Variants in PCDHA4 observed in about 807,000 individuals in gnomAD.
PCDHA4 encodes the protein protocadherin alpha 4.
Under a neutral mutation model 61.4 loss-of-function variants are expected in PCDHA4, and 49 were observed. The observed-to-expected ratio is 0.80, with a 90% CI of 0.63 to 1.01. The LOEUF is 1.01. PCDHA4 is among the 50% of genes least tolerant of loss of function. PCDHA4 has a pLI of 0.00. For missense variants in PCDHA4, 1,254 were observed against 1,235.8 expected (o/e 1.01, Z -0.22); for synonymous variants, 590 against 550.3 (o/e 1.07, Z -1.01).
At chr5:140,845,037 C>T (rs1189014695) in intron 1 of PCDHA4, among the ~76,000 whole-genome samples, 2 of 149,024 alleles carry the variant, frequency 1.3e-5, no homozygotes, top group Non-Finnish European at 3.0e-5. Flanking sequence ...ATATTTTAGC[C>T]CCCTTGTCCA....
chr5:140,814,203 A>T (rs1765458548), intron 1 of PCDHA4: 1 of 150,724 alleles, frequency 6.6e-6, no homozygotes. Flanking sequence ...TATTTTTTTC[A>T]CTTTTACTTA....
intron 1 of PCDHA4, chr5:140,860,225 A>ATATATAT (rs2046281831): frequency 6.6e-6 from 1 of 151,528 alleles, no homozygotes. Context: ...ATGTATATAT[A>ATATATAT]AGCCAGGCAT....
rs553749529 is a variant in PCDHA4, at chr5:140,931,877, G to C, written c.2386-47072G>C. 3.3e-5 allele frequency among the ~76,000 whole-genome samples: 5 copies of C among 151,886 alleles called. No individual in the cohort carries two copies. The South Asian group carries it at 8.3e-4, about 25-fold the overall frequency. The stretch of plus-strand genomic sequence containing the variant: ...GGATTCTAGAAATAAAATATTTATT[G>C]CTTTCATTTTATTTCAAATCATTTG... On this transcript the variant is annotated intron_variant, in intron 1 of 3. Coordinates refer to ENST00000530339, the MANE Select transcript of PCDHA4 (RefSeq NM_018907.4).
chr5:140,982,482 C>T lies in PCDHA4; in HGVS notation c.2452C>T (p.His818Tyr), dbSNP rs782273708. 1.9e-6 allele frequency: 3 copies of T among 1,614,054 alleles called. No individual in the cohort carries two copies. Among genetic ancestry groups the T allele is most frequent in the East Asian group, 4.5e-5 (2 of 44,894 alleles). The change falls in exon 3 of 4, where the codon CAC (histidine) becomes TAC (tyrosine). Residue 818 changes from histidine to tyrosine, a missense_variant. Physicochemically the swap from His to Tyr is moderately conservative, Grantham distance 83. Transcript: ENST00000530339. ...SLRAGMHSSV[H>Y]LEEAGILRAG... ...GTCTGTGTGTTTATTCAGCTCTGTGCACCTAGAGGAGGCTGGCATTCTACG... is the reference window on the plus strand; with the variant it reads ...GTCTGTGTGTTTATTCAGCTCTGTGTACCTAGAGGAGGCTGGCATTCTACG...
intron 1 of PCDHA4, chr5:140,848,709 G>T: frequency 6.3e-7 from 1 of 1,592,420 alleles, no homozygotes; most frequent in African/African-American, 1.3e-5. Context: ...CAAAGGCCGC[G>T]GGGACCTTCT....
At chr5:140,829,760 G>A (rs2150174077) in intron 1 of PCDHA4, 1 of 1,613,780 alleles carries the variant, frequency 6.2e-7, no homozygotes, top group Admixed American at 1.7e-5. Flanking sequence ...GTTCGTGCTG[G>A]ACGAGAACGA....
At chr5:140,977,836 T>C (rs1300356505) in intron 1 of PCDHA4, among the ~76,000 whole-genome samples, 1 of 152,236 alleles carries the variant, frequency 6.6e-6, no homozygotes, top group African/African-American at 2.4e-5. Flanking sequence ...TCTATTGATA[T>C]TACTATGGCT....
Position 141,009,928 on chromosome 5 carries a change from T to C in PCDHA4, c.2835T>C (p.Ser945=), listed in dbSNP as rs373891102. The change falls in exon 4 of 4, where the codon AGT becomes AGC. Residue 945 remains serine (S), a synonymous_variant. Transcript: ENST00000530339. The stretch of plus-strand genomic sequence containing the variant: ...AAGGGAACAGCACGACTGACAACAG[T>C]GACCAGTGAGGTCCTCAAATGGAAA... ...KEKGNSTTDN[S]DQ is the part of the protein sequence containing the mutation. 3 of 1,607,808 alleles carry C rather than the reference T, an allele frequency of 1.9e-6. No homozygotes were observed. The highest frequency in any genetic ancestry group is 2.5e-6 in the Non-Finnish European group (3 of 1,178,138).
Position 140,927,198 on chromosome 5 carries a change from G to T in PCDHA4, c.2386-51751G>T. On this transcript the variant is annotated intron_variant, in intron 1 of 3. Transcript: ENST00000530339. ...TCTTGACCTACGACCTGGTGCTCGA[G>T]GACCCGCTGGAGCTGCACAAGATTC... 3 of 1,614,162 alleles carry T rather than the reference G, an allele frequency of 1.9e-6. No homozygotes were observed. In the South Asian group the frequency reaches 3.3e-5, roughly 18 times the overall value.
chr5:140,842,242 T>A (rs1358378131), intron 1 of PCDHA4: 2 of 1,612,266 alleles, frequency 1.2e-6, no homozygotes, highest in Non-Finnish European at 1.7e-6. Flanking sequence ...TTCGGGGTAA[T>A]TTGGATTTTG....
At chr5:140,969,064 C>T (rs2096292525) in intron 1 of PCDHA4, 1 of 1,614,136 alleles carries the variant, frequency 6.2e-7, no homozygotes, top group Non-Finnish European at 8.5e-7. Context: ...ATATTGATGC[C>T]AGGATACCGC....
intron 1 of PCDHA4, among the ~76,000 whole-genome samples, chr5:140,970,589 C>T (rs74994687): frequency 6.6e-6 from 1 of 152,198 alleles, no homozygotes; most frequent in East Asian, 1.9e-4. Flanking sequence ...CAGAGATATG[C>T]TTTGTGATAC....
At chr5:140,821,291 C>T (rs1237221599) in intron 1 of PCDHA4, among the ~76,000 whole-genome samples, 2 of 152,082 alleles carry the variant, frequency 1.3e-5, no homozygotes, top group Non-Finnish European at 2.9e-5. Context: ...ATATAAACTC[C>T]TCCCTATATA....
chr5:140,907,648 G>T (rs2153502267), intron 1 of PCDHA4, among the ~76,000 whole-genome samples: 1 of 152,312 alleles, frequency 6.6e-6, no homozygotes, highest in East Asian at 1.9e-4. Flanking sequence ...TGGCAAATTG[G>T]GCACTCAGCA....
intron 1 of PCDHA4, chr5:140,842,416 T>C (rs1486970475): frequency 6.2e-7 from 1 of 1,613,166 alleles, no homozygotes; most frequent in Non-Finnish European, 8.5e-7. Flanking sequence ...ACGCTCAATT[T>C]GGTACTGTCA....
intron 1 of PCDHA4, among the ~76,000 whole-genome samples, chr5:140,838,860 T>C (rs2150293011): frequency 1.3e-4 from 20 of 151,904 alleles, no homozygotes; most frequent in Non-Finnish European, 2.9e-4. Context: ...AGGTCCAAGC[T>C]GCAGTTATCA....
At position 140,849,588 on chromosome 5, in the gene PCDHA4, C is replaced by G. The variant is rs2150441639; in HGVS notation, c.2385+40016C>G. ...GGTTCCTGTAAAAGAGGACGCACAA[C>G]TGGGGACAGTTATTGCCCTGATTAG... On this transcript the variant is annotated intron_variant, in intron 1 of 3. Coordinates refer to ENST00000530339, the MANE Select transcript of PCDHA4 (RefSeq NM_018907.4). 8 of 1,598,790 alleles carry G rather than the reference C, an allele frequency of 5.0e-6. 1 individual carries two copies. Among genetic ancestry groups the G allele is most frequent in the East Asian group, 4.5e-5 (2 of 44,856 alleles).
chr5:140,839,258 G>A (rs1776122632), intron 1 of PCDHA4, among the ~76,000 whole-genome samples: 1 of 151,954 alleles, frequency 6.6e-6, no homozygotes, highest in Non-Finnish European at 1.5e-5. Flanking sequence ...ATGCTTACAT[G>A]CATGTATATT....
At chr5:140,860,216 T>C (rs1554153148) in intron 1 of PCDHA4, 2 of 150,242 alleles carry the variant, frequency 1.3e-5, no homozygotes, top group South Asian at 2.1e-4. Flanking sequence ...TATGTACTTA[T>C]GTATATATAA....
Sources: gnomAD v4.1 joint callset for allele counts (sites outside exome capture counted in the v4.1 genomes callset) on GRCh38, gnomAD v4.1.1 for gene constraint, MANE v1.5 for transcripts, NCBI Gene and HGNC (gene_info 2026-07-23, HGNC 2026-07-21) for gene names.